Variants in PRKCA observed in about 807,000 individuals in gnomAD.
PRKCA encodes the protein protein kinase C alpha, also known as protein kinase C alpha type.
Under a neutral mutation model 87.0 loss-of-function variants are expected in PRKCA, and 27 were observed. That is an observed-to-expected ratio of 0.31 (90% CI 0.23 to 0.43). The LOEUF is 0.43. Among genes scored for constraint, PRKCA ranks in the 20% least tolerant of loss-of-function variants. The pLI is 1.00. For missense variants in PRKCA, 518 were observed against 852.3 expected, an observed-to-expected ratio of 0.61 and a Z score of 4.88; for synonymous variants, 329 against 311.1, an observed-to-expected ratio of 1.06 and a Z score of -0.61.
chr17:66,328,415 A>C (rs774691959), intron 2 of PRKCA, among the ~76,000 whole-genome samples: 1 of 151,850 alleles, frequency 6.6e-6, no homozygotes, highest in Non-Finnish European at 1.5e-5. Flanking sequence ...GAAAGGAGTT[A>C]ACTGATTGAA....
At chr17:66,315,462 A>G (rs1182660748) in intron 2 of PRKCA, among the ~76,000 whole-genome samples, 1 of 146,816 alleles carries the variant, frequency 6.8e-6, no homozygotes, top group Non-Finnish European at 1.5e-5. Context: ...CGAGGTATTA[A>G]AGAATGAAGT....
At chr17:66,406,585 G>GTTTTTTCTTTTTTTTTTTTTTTTT (rs1911400605) in intron 2 of PRKCA, among the ~76,000 whole-genome samples, 1 of 70,180 alleles carries the variant, frequency 1.4e-5, no homozygotes. Context: ...GCTTTTCCAG[G>GTTTTTTCTTTTTTTTTTTTTTTTT]TTTTTTTTTT....
intron 8 of PRKCA, chr17:66,703,195 CACTT>C (rs1973103525): frequency 6.6e-6 from 1 of 152,182 alleles, no homozygotes; most frequent in Non-Finnish European, 1.5e-5. Flanking sequence ...CTCATAATAA[CACTT>C]AAATAACACT....
chr17:66,407,609 A>G (rs1447254952), intron 2 of PRKCA, among the ~76,000 whole-genome samples: 2 of 152,180 alleles, frequency 1.3e-5, no homozygotes, highest in African/African-American at 4.8e-5. Flanking sequence ...TTGGACCTAA[A>G]TATATCCCAG....
intron 2 of PRKCA, among the ~76,000 whole-genome samples, chr17:66,324,864 A>C (rs1213256876): frequency 6.6e-6 from 1 of 152,180 alleles, no homozygotes; most frequent in African/African-American, 2.4e-5. Flanking sequence ...ATTCTTCTCA[A>C]ATTTAGGGCT....
At chr17:66,357,981 G>A (rs1908161337) in intron 2 of PRKCA, among the ~76,000 whole-genome samples, 1 of 152,034 alleles carries the variant, frequency 6.6e-6, no homozygotes, top group South Asian at 2.1e-4. Context: ...CAAAAATTAT[G>A]GAATTTAATT....
intron 3 of PRKCA, among the ~76,000 whole-genome samples, chr17:66,508,483 G>A (rs779138867): frequency 1.8e-4 from 27 of 152,090 alleles, no homozygotes; most frequent in African/African-American, 3.6e-4. Context: ...TGCCACCCAC[G>A]TACATCACTG....
At chr17:66,679,780 A>C (rs543977763) in intron 5 of PRKCA, among the ~76,000 whole-genome samples, 1 of 152,320 alleles carries the variant, frequency 6.6e-6, no homozygotes, top group East Asian at 1.9e-4. Context: ...TGTCTTGCTC[A>C]AGTCATTTCA....
At chr17:66,351,426 G>A (rs1598609554) in intron 2 of PRKCA, among the ~76,000 whole-genome samples, 1 of 152,210 alleles carries the variant, frequency 6.6e-6, no homozygotes. Context: ...TCTTTCCTCA[G>A]TTTGAAGATC....
chr17:66,408,005 A>G (rs1350331311), intron 2 of PRKCA, among the ~76,000 whole-genome samples: 3 of 152,202 alleles, frequency 2.0e-5, no homozygotes, highest in South Asian at 4.1e-4. Flanking sequence ...CATTTATGTA[A>G]TTTGTTGTTG....
chr17:66,703,582 G>A (rs546311018), intron 8 of PRKCA: 1 of 152,292 alleles, frequency 6.6e-6, no homozygotes, highest in East Asian at 1.9e-4. Flanking sequence ...ATCACCTGAG[G>A]TTAGGAGTTC....
rs796715547 is a variant in PRKCA, at chr17:66,761,368, C to CAA, written c.1525-12607_1525-12606dup. On this transcript the variant is annotated intron_variant, in intron 13 of 16. Coordinates refer to ENST00000413366, the MANE Select transcript of PRKCA (RefSeq NM_002737.3). ...CTGGTGACAGAGCAAGACTCCGTCT[C>CAA]AAAAAAAAAAAAAGATACATAGTTT... Among the ~76,000 whole-genome samples, 216 of 134,298 alleles carry CAA rather than the reference C, an allele frequency of 1.6e-3. 3 individuals are homozygous for CAA. The highest frequency in any genetic ancestry group is 0.014 in the South Asian group (58 of 4,072). 88.1% of individuals were successfully genotyped at this position (134,298 alleles called of 152,430 possible). A position where few individuals can be genotyped will look rare whatever the true frequency, so the allele number is the denominator to read the frequency against.
At chr17:66,603,702 C>T (rs1330108134) in intron 3 of PRKCA, among the ~76,000 whole-genome samples, 1 of 152,112 alleles carries the variant, frequency 6.6e-6, no homozygotes, top group Non-Finnish European at 1.5e-5. Flanking sequence ...CACCACCATC[C>T]ATCTCCAGAG....
At chr17:66,574,798 C>G (rs370913440) in intron 3 of PRKCA, among the ~76,000 whole-genome samples, 14 of 151,594 alleles carry the variant, frequency 9.2e-5, no homozygotes, top group African/African-American at 2.7e-4. Context: ...CCAACCTGTA[C>G]TATGTTTCTT....
chr17:66,405,855 G>A (rs1911341066), intron 2 of PRKCA, among the ~76,000 whole-genome samples: 1 of 152,100 alleles, frequency 6.6e-6, no homozygotes, highest in Admixed American at 6.5e-5. Flanking sequence ...AGGAGAATAT[G>A]CTTTGCTGGA....
intron 13 of PRKCA, among the ~76,000 whole-genome samples, chr17:66,749,995 C>A (rs1974393763): frequency 6.6e-6 from 1 of 152,108 alleles, no homozygotes; most frequent in African/African-American, 2.4e-5. Context: ...GAGACTTCTC[C>A]TGGCCTCTGG....
At chr17:66,344,625 A>G (rs1598605464) in intron 2 of PRKCA, among the ~76,000 whole-genome samples, 4 of 152,334 alleles carry the variant, frequency 2.6e-5, no homozygotes, top group Admixed American at 6.5e-5. Context: ...GAGATGAGGA[A>G]ACTGAGGCTT....
intron 8 of PRKCA, among the ~76,000 whole-genome samples, chr17:66,693,449 G>A (rs1213264353): frequency 6.6e-6 from 1 of 152,218 alleles, no homozygotes; most frequent in Non-Finnish European, 1.5e-5. Context: ...TTTCTTTGGA[G>A]CTTACGTTCT....
chr17:66,417,023 T>C (rs1912197021), intron 2 of PRKCA, among the ~76,000 whole-genome samples: 2 of 152,098 alleles, frequency 1.3e-5, no homozygotes, highest in African/African-American at 4.8e-5. Flanking sequence ...CTCAGTCTCC[T>C]GAGCAGCTGG....
Sources: gnomAD v4.1 joint callset for allele counts (sites outside exome capture counted in the v4.1 genomes callset) on GRCh38, gnomAD v4.1.1 for gene constraint, MANE v1.5 for transcripts, NCBI Gene and HGNC (gene_info 2026-07-23, HGNC 2026-07-21) for gene names.